DACH1: variants seen among roughly 807,000 people sequenced by gnomAD.
DACH1 encodes the protein dachshund homolog 1.
Under a neutral mutation model 54.2 loss-of-function variants are expected in DACH1, and 12 were observed. The observed-to-expected ratio is 0.22, with a 90% CI of 0.14 to 0.36. DACH1 has a LOEUF of 0.36. DACH1 is among the 10% of genes least tolerant of loss of function. The pLI is 1.00. For missense variants in DACH1, 805 were observed against 929.8 expected (o/e 0.87, Z 1.75); for synonymous variants, 386 against 366.2 (o/e 1.05, Z -0.62).
At chr13:71,675,074 C>G in intron 2 of DACH1, 1 of 1,512,138 alleles carries the variant, frequency 6.6e-7, no homozygotes. Flanking sequence ...ACGGCTCGTA[C>G]AAAGCAGACT....
intron 1 of DACH1, among the ~76,000 whole-genome samples, chr13:71,707,205 A>G (rs1594119950): frequency 6.6e-6 from 1 of 152,192 alleles, no homozygotes; most frequent in South Asian, 2.1e-4. Flanking sequence ...TAAATGCAAC[A>G]TAATAAAGAT....
At chr13:71,567,810 T>C (rs1194625550) in intron 4 of DACH1, among the ~76,000 whole-genome samples, 1 of 152,048 alleles carries the variant, frequency 6.6e-6, no homozygotes, top group African/African-American at 2.4e-5. Context: ...ATATGCTGCG[T>C]TTCTTCCTTT....
intron 6 of DACH1, among the ~76,000 whole-genome samples, chr13:71,501,928 A>C (rs1879951207): frequency 6.6e-6 from 1 of 152,180 alleles, no homozygotes; most frequent in South Asian, 2.1e-4. Flanking sequence ...GAGGTAAAAG[A>C]AGTTAATTAA....
At chr13:71,704,630 C>A (rs1461378533) in intron 1 of DACH1, 8 of 403,972 alleles carry the variant, frequency 2.0e-5, no homozygotes, top group Non-Finnish European at 3.4e-5. Flanking sequence ...CTGCTGGAAC[C>A]TCTTCCCTGT....
At chr13:71,674,739 T>TAGAGTGCTCCATTCAAGTTTGAAAACTA (rs1555309260) in intron 2 of DACH1, among the ~76,000 whole-genome samples, 1 of 150,726 alleles carries the variant, frequency 6.6e-6, no homozygotes, top group Non-Finnish European at 1.5e-5. Flanking sequence ...CACAGGAAAC[T>TAGAGTGCTCCATTCAAGTTTGAAAACTA]AATAAATTGC....
chr13:71,690,099 G>T (rs1881397362), intron 1 of DACH1, among the ~76,000 whole-genome samples: 1 of 152,092 alleles, frequency 6.6e-6, no homozygotes, highest in African/African-American at 2.4e-5. Flanking sequence ...CATGGTAAAT[G>T]TCCCTTTATA....
At position 71,719,893 on chromosome 13, in the gene DACH1, C is replaced by T. The variant is rs1204776314; in HGVS notation, c.849-37983G>A. Among the ~76,000 whole-genome samples the T allele has an allele frequency of 2.6e-5, 4 of 151,952 alleles. No homozygotes were observed. The South Asian group carries it at 8.3e-4, about 32-fold the overall frequency. On this transcript the variant is annotated intron_variant, in intron 1 of 10. Transcript: ENST00000613252. ...AATAAATAAAAATAAAAAGTGACCT[C>T]CCCAGGAAGCCTTATTGAAATATAT...
intron 6 of DACH1, among the ~76,000 whole-genome samples, chr13:71,495,679 A>T (rs1017397428): frequency 2.6e-4 from 40 of 152,146 alleles, no homozygotes; most frequent in Middle Eastern, 3.2e-3. Context: ...ATGAGGGTGT[A>T]AAGGAAAGGG....
chr13:71,764,046 A>C (rs1885515735), intron 1 of DACH1, among the ~76,000 whole-genome samples: 1 of 152,228 alleles, frequency 6.6e-6, no homozygotes, highest in Non-Finnish European at 1.5e-5. Flanking sequence ...ATCAGGGTTT[A>C]TGACACTAAA....
chr13:71,451,100 C>T (rs1219443726), intron 10 of DACH1, among the ~76,000 whole-genome samples: 1 of 152,038 alleles, frequency 6.6e-6, no homozygotes, highest in Non-Finnish European at 1.5e-5. Flanking sequence ...GTCTATGCAA[C>T]AAAGAACAGG....
intron 7 of DACH1, among the ~76,000 whole-genome samples, chr13:71,482,153 G>C (rs1016973480): frequency 6.6e-6 from 1 of 151,942 alleles, no homozygotes; most frequent in Non-Finnish European, 1.5e-5. Flanking sequence ...GAGACATAAT[G>C]GTTGTTATAC....
At position 71,607,988 on chromosome 13, in the gene DACH1, T is replaced by C. The variant is rs1250928286; in HGVS notation, c.1126+22568A>G. Among the ~76,000 whole-genome samples the C allele has an allele frequency of 2.6e-5, 4 of 151,914 alleles. No individual in the cohort carries two copies. In the South Asian group the frequency reaches 6.2e-4, roughly 24 times the overall value. On this transcript the variant is annotated intron_variant, in intron 3 of 10. Transcript: ENST00000613252. ...ATTAATTCACAATCATGATACTCTG[T>C]AACAATTTCCATATTAATGAGAAAG...
chr13:71,563,887 A>G (rs1884749447), intron 4 of DACH1, among the ~76,000 whole-genome samples: 1 of 151,758 alleles, frequency 6.6e-6, no homozygotes, highest in African/African-American at 2.4e-5. Flanking sequence ...TAAAAGCTTA[A>G]CTATTCAATT....
chr13:71,775,003 A>C (rs2138045886), intron 1 of DACH1, among the ~76,000 whole-genome samples: 1 of 151,952 alleles, frequency 6.6e-6, no homozygotes, highest in Admixed American at 6.6e-5. Context: ...ATGCTCCCCT[A>C]GCAGGGCATA....
At chr13:71,779,254 CGTATATAT>C (rs1594211224) in intron 1 of DACH1, among the ~76,000 whole-genome samples, 1 of 71,752 alleles carries the variant, frequency 1.4e-5, no homozygotes, top group Non-Finnish European at 3.1e-5. Flanking sequence ...TACGTATATA[CGTATATAT>C]GTGTATATAT....
chr13:71,529,531 C>A (rs914659515), intron 6 of DACH1, among the ~76,000 whole-genome samples: 4 of 152,108 alleles, frequency 2.6e-5, no homozygotes, highest in African/African-American at 9.7e-5. Flanking sequence ...GTAGATGTGG[C>A]AACTGCAATG....
chr13:71,675,314 G>C, intron 2 of DACH1: 1 of 1,599,618 alleles, frequency 6.3e-7, no homozygotes, highest in Admixed American at 1.7e-5. Flanking sequence ...ACAGATCTGC[G>C]CTTCCAGAGC....
chr13:71,601,443 T>A (rs1449889028), intron 3 of DACH1, among the ~76,000 whole-genome samples: 2 of 152,044 alleles, frequency 1.3e-5, no homozygotes, highest in Non-Finnish European at 2.9e-5. Flanking sequence ...CATAGTAATT[T>A]ATGACTTTTT....
At chr13:71,470,785 A>G (rs1024912174) in intron 10 of DACH1, among the ~76,000 whole-genome samples, 9 of 152,192 alleles carry the variant, frequency 5.9e-5, no homozygotes, top group Non-Finnish European at 1.5e-5. Flanking sequence ...AATAGCAGGC[A>G]CCACTATGTG....
Sources: gnomAD v4.1 joint callset for allele counts (sites outside exome capture counted in the v4.1 genomes callset) on GRCh38, gnomAD v4.1.1 for gene constraint, MANE v1.5 for transcripts, NCBI Gene and HGNC (gene_info 2026-07-23, HGNC 2026-07-21) for gene names.